The following MLLT10 variants were observed in gnomAD, a reference collection of about 807,000 sequenced individuals.
The protein encoded by MLLT10 is MLLT10 histone lysine methyltransferase DOT1L cofactor.
In MLLT10, 30 loss-of-function variants were observed where a neutral mutation model predicts 129.1. The observed-to-expected ratio is 0.23, with a 90% CI of 0.17 to 0.32. The LOEUF is 0.32. Among genes scored for constraint, MLLT10 ranks in the 10% least tolerant of loss-of-function variants. The pLI, the probability that MLLT10 is intolerant of heterozygous loss-of-function variation, is 1.00. For missense variants in MLLT10, 1,119 were observed against 1,268.3 expected, an observed-to-expected ratio of 0.88 and a Z score of 1.79; for synonymous variants, 490 against 446.4, an observed-to-expected ratio of 1.10 and a Z score of -1.23.
At position 21,612,430 on chromosome 10, in the gene MLLT10, G is replaced by T; in HGVS notation, c.488G>T (p.Arg163Leu). 1 of 1,611,212 alleles carries T rather than the reference G, an allele frequency of 6.2e-7. No individual in the cohort carries two copies. The change falls in exon 6 of 23, where the codon CGA becomes CTA. Residue 163 changes from arginine (R) to leucine (L), a missense_variant. This residue lies in a region of MLLT10 where 44 missense variants were observed against 114.3 expected (regional missense o/e 0.38). Transcript: ENST00000307729. ...ATGACATGTAATAAACATGGATGTC[G>T]ACAGGCTTTCCATGTAACATGGTAA... ...ACMTCNKHGC[R>L]QAFHVTCAQF...
chr10:21,646,458 A>G (rs888865081), intron 8 of MLLT10, among the ~76,000 whole-genome samples: 3 of 148,868 alleles, frequency 2.0e-5, no homozygotes, highest in Middle Eastern at 3.5e-3. Context: ...TGCCTTACCT[A>G]CTTTCTTTAA....
chr10:21,638,047 G>A (rs1644471238), intron 8 of MLLT10, among the ~76,000 whole-genome samples: 1 of 151,914 alleles, frequency 6.6e-6, no homozygotes, highest in Admixed American at 6.6e-5. Context: ...ACCCAGGAAA[G>A]AGACATGGTT....
At chr10:21,670,867 A>G (rs1355990422) in intron 10 of MLLT10, 163 bp downstream of exon 10, 2 of 777,394 alleles carry the variant, frequency 2.6e-6, no homozygotes, top group African/African-American at 3.5e-5. Context: ...AGTGTTTCCT[A>G]TTAAATTTTT....
intron 20 of MLLT10, 36 bp downstream of exon 20, chr10:21,734,165 T>C: frequency 6.4e-7 from 1 of 1,554,584 alleles, no homozygotes; most frequent in Non-Finnish European, 8.7e-7. Context: ...TTTTTTAGTA[T>C]AACAGAGTAC....
In MLLT10 at chr10:21,740,150, G is replaced by A. The variant is rs2058708792; in HGVS notation, c.3076G>A (p.Ala1026Thr). The change falls in exon 22 of 23, where the codon GCA (alanine) becomes ACA (threonine). Residue 1026 changes from alanine (A) to threonine (T), a missense_variant. Coordinates refer to ENST00000307729, the MANE Select transcript of MLLT10 (RefSeq NM_001195626.3). ...ACAAATACCCATAAACAACCTTCTTGCAGGTACACAGGCACCCCCACTTCA... is the reference window on the plus strand; with the variant it reads ...ACAAATACCCATAAACAACCTTCTTACAGGTACACAGGCACCCCCACTTCA... ...PTQIPINNLL[A>T]GTQAPPLHTA... 6.2e-7 allele frequency: 1 copy of A among 1,614,068 alleles called. No homozygotes were observed. Among genetic ancestry groups the A allele is most frequent in the Admixed American group, 1.7e-5 (1 of 60,020 alleles).
At chr10:21,589,914 C>A (rs1298992878) in intron 4 of MLLT10, among the ~76,000 whole-genome samples, 1 of 151,890 alleles carries the variant, frequency 6.6e-6, no homozygotes, top group Non-Finnish European at 1.5e-5. Flanking sequence ...CCTTCCCCTT[C>A]CCCTTCCCCT....
chr10:21,564,660 A>G (rs2039313342), intron 3 of MLLT10: 1 of 151,574 alleles, frequency 6.6e-6, no homozygotes, highest in Admixed American at 6.6e-5. Flanking sequence ...CATCTCTACT[A>G]AAAAAATACA....
intron 9 of MLLT10, among the ~76,000 whole-genome samples, chr10:21,663,962 T>C (rs906807344): frequency 6.6e-6 from 1 of 152,212 alleles, no homozygotes; most frequent in Non-Finnish European, 1.5e-5. Flanking sequence ...GAGCAAAGAC[T>C]TCTCTCTGCT....
chr10:21,664,963 TGAGATA>T (rs1405933615), intron 9 of MLLT10, among the ~76,000 whole-genome samples: 1 of 136,710 alleles, frequency 7.3e-6, no homozygotes, highest in Non-Finnish European at 1.6e-5. Context: ...TTTTTTTTTT[TGAGATA>T]GAGTCTCGCT....
At chr10:21,608,430 G>A (rs1445769672) in intron 5 of MLLT10, among the ~76,000 whole-genome samples, 1 of 151,912 alleles carries the variant, frequency 6.6e-6, no homozygotes, top group Non-Finnish European at 1.5e-5. Context: ...TCCTGCTTCA[G>A]CCTCTCAAAG....
chr10:21,688,885 CAT>C (rs2053554668), intron 13 of MLLT10, among the ~76,000 whole-genome samples: 2 of 152,084 alleles, frequency 1.3e-5, no homozygotes, highest in Non-Finnish European at 2.9e-5. Flanking sequence ...AATATGAGAA[CAT>C]ATTTCATGTT....
At chr10:21,710,072 A>G (rs1328491469) in intron 13 of MLLT10, among the ~76,000 whole-genome samples, 1 of 152,204 alleles carries the variant, frequency 6.6e-6, no homozygotes, top group African/African-American at 2.4e-5. Flanking sequence ...AGCAGTTTAT[A>G]AGATTCTCTA....
chr10:21,592,013 A>T (rs1452137051), intron 4 of MLLT10, among the ~76,000 whole-genome samples: 1 of 152,032 alleles, frequency 6.6e-6, no homozygotes, highest in Admixed American at 6.6e-5. Context: ...GAGCCACTGC[A>T]CCTGGCCTGT....
intron 13 of MLLT10, among the ~76,000 whole-genome samples, chr10:21,692,847 A>G (rs2131442367): frequency 6.6e-6 from 1 of 152,274 alleles, no homozygotes; most frequent in South Asian, 2.1e-4. Flanking sequence ...TCTGTTTTCT[A>G]AAAATGAATG....
chr10:21,624,531 G>T (rs531337706), intron 8 of MLLT10: 2 of 1,050,624 alleles, frequency 1.9e-6, no homozygotes, highest in South Asian at 2.3e-5. Context: ...TTTTTTTGAA[G>T]AATGTAGATC....
At chr10:21,680,990 A>G (rs2052682786) in intron 11 of MLLT10, among the ~76,000 whole-genome samples, 1 of 152,016 alleles carries the variant, frequency 6.6e-6, no homozygotes, top group Non-Finnish European at 1.5e-5. Flanking sequence ...ACATTAATGT[A>G]TCATGTTGCG....
At chr10:21,740,478 A>AAGTT (rs1174294378) in intron 22 of MLLT10, among the ~76,000 whole-genome samples, 3 of 152,220 alleles carry the variant, frequency 2.0e-5, no homozygotes, top group African/African-American at 7.2e-5. Context: ...CAAGATGACA[A>AAGTT]AGTTAGCAAG....
At position 21,634,703 on chromosome 10, in the gene MLLT10, G is replaced by A. The variant is rs374849202; in HGVS notation, c.700-16970G>A. On this transcript the variant is annotated intron_variant, in intron 8 of 22. Transcript: ENST00000307729. ...TTTCTTGGCATGCTTTGGTTATGAA[G>A]AACTTCATCTGTCCATCCAAACATC... Among the ~76,000 whole-genome samples, 4 of 152,324 alleles carry A rather than the reference G, an allele frequency of 2.6e-5. No individual in the cohort carries two copies. In the East Asian group the frequency reaches 7.7e-4, roughly 29 times the overall value.
intron 5 of MLLT10, among the ~76,000 whole-genome samples, chr10:21,598,149 A>G (rs557682243): frequency 9.9e-5 from 15 of 152,248 alleles, no homozygotes; most frequent in African/African-American, 3.4e-4. Flanking sequence ...TTGACATTCC[A>G]CTGTAAGGTG....
Sources: allele counts gnomAD v4.1 joint callset (sites outside exome capture counted in the v4.1 genomes callset), GRCh38; gene constraint gnomAD v4.1.1; regional missense constraint gnomAD v4.1.1; transcripts MANE v1.5; gene names NCBI Gene and HGNC (gene_info 2026-07-23, HGNC 2026-07-21).